Variants in F13A1 observed in about 807,000 individuals in gnomAD.
F13A1 encodes the protein FSF, A subunit.
A neutral mutation model predicts 80.1 loss-of-function variants in F13A1; 47 were observed. The ratio of observed to expected loss-of-function variants is 0.59; its 90% CI spans 0.46 to 0.75. The LOEUF is 0.75. Among genes scored for constraint, F13A1 ranks in the 30% least tolerant of loss-of-function variants. F13A1 has a pLI of 0.00. For missense variants in F13A1, 817 were observed against 930.4 expected (o/e 0.88, Z 1.59); for synonymous variants, 349 against 344.9 (o/e 1.01, Z -0.13).
chr6:6,308,212 C>T lies in F13A1; in HGVS notation c.131-2673G>A, dbSNP rs953149. Among the ~76,000 whole-genome samples, 975 of 152,156 alleles carry T rather than the reference C, an allele frequency of 6.4e-3. 14 individuals carry two copies. Among genetic ancestry groups the T allele is most frequent in the Admixed American group, 0.037 (562 of 15,274 alleles). Reference sequence around the variant, plus strand: ...GTATTTTTAAAAAATTTAATAGAGACGGGGTTTCACCATGTTGGCCAGGCT... The same window carrying T: ...GTATTTTTAAAAAATTTAATAGAGATGGGGTTTCACCATGTTGGCCAGGCT... On this transcript the variant is annotated intron_variant, in intron 2 of 14. Coordinates refer to ENST00000264870, the MANE Select transcript of F13A1 (RefSeq NM_000129.4).
At chr6:6,205,681 T>C (rs1459106872) in intron 8 of F13A1, among the ~76,000 whole-genome samples, 16 of 152,236 alleles carry the variant, frequency 1.1e-4, no homozygotes, top group Non-Finnish European at 2.1e-4. Flanking sequence ...TCTTCTCCTT[T>C]CATTTTTCCC....
intron 3 of F13A1, among the ~76,000 whole-genome samples, chr6:6,287,871 T>G (rs912504919): frequency 6.6e-6 from 1 of 152,202 alleles, no homozygotes; most frequent in African/African-American, 2.4e-5. Context: ...TCAGAATGGA[T>G]GTAACAAGGA....
chr6:6,240,831 A>G (rs1043908418), intron 6 of F13A1, among the ~76,000 whole-genome samples: 2 of 152,162 alleles, frequency 1.3e-5, no homozygotes, highest in Non-Finnish European at 2.9e-5. Context: ...CCTCTCATTC[A>G]TCATTGAATT....
intron 11 of F13A1, among the ~76,000 whole-genome samples, chr6:6,180,541 C>A (rs1448789695): frequency 6.6e-6 from 1 of 152,062 alleles, no homozygotes; most frequent in African/African-American, 2.4e-5. Flanking sequence ...TTCTCCAAAC[C>A]TTTTTTTGCT....
At position 6,228,649 on chromosome 6, in the gene F13A1, G is replaced by A. The variant is rs527969795; in HGVS notation, c.799-3789C>T. 3.9e-3 allele frequency among the ~76,000 whole-genome samples: 576 copies of A among 147,594 alleles called. 7 individuals are homozygous for A. The highest frequency in any genetic ancestry group is 0.013 in the African/African-American group (531 of 39,588). On this transcript the variant is annotated intron_variant, in intron 6 of 14. Coordinates refer to ENST00000264870, the MANE Select transcript of F13A1 (RefSeq NM_000129.4). ...CTCTGGAGGCTGAGGCAGGAGAATC[G>A]CTTGAACCGGGGAGGCAGAGGTTGC...
At chr6:6,300,039 G>A (rs575783899) in intron 3 of F13A1, among the ~76,000 whole-genome samples, 2 of 147,240 alleles carry the variant, frequency 1.4e-5, no homozygotes, top group East Asian at 1.9e-4. Flanking sequence ...CTGCTGGGGG[G>A]TGCCTCCCAG....
chr6:6,264,493 C>T (rs996010737), intron 4 of F13A1, among the ~76,000 whole-genome samples: 2 of 152,118 alleles, frequency 1.3e-5, no homozygotes, highest in African/African-American at 4.8e-5. Context: ...TTGCTGACTC[C>T]TTCTCTACTG....
At chr6:6,149,472 G>A (rs999014411) in intron 14 of F13A1, among the ~76,000 whole-genome samples, 3 of 152,158 alleles carry the variant, frequency 2.0e-5, no homozygotes, top group African/African-American at 7.2e-5. Context: ...TGGAGCTTTG[G>A]GGAGGTAACT....
chr6:6,222,285 G>T, intron 7 of F13A1, 114 bp from the exon 8 acceptor site: 1 of 1,377,676 alleles, frequency 7.3e-7, no homozygotes, highest in Non-Finnish European at 1.0e-6. Flanking sequence ...AAAGCCCTTT[G>T]GACATGTTAT....
chr6:6,307,348 T>G (rs1041441536), intron 2 of F13A1, among the ~76,000 whole-genome samples: 9 of 152,196 alleles, frequency 5.9e-5, no homozygotes, highest in Admixed American at 3.3e-4. Context: ...TTTCTTTCCA[T>G]TATGCTGTGA....
At chr6:6,302,276 TTTG>T (rs959060417) in intron 3 of F13A1, among the ~76,000 whole-genome samples, 2 of 151,976 alleles carry the variant, frequency 1.3e-5, no homozygotes, top group African/African-American at 4.9e-5. Context: ...CAAACGTGAA[TTTG>T]TTGTCATGCA....
chr6:6,170,114 G>A (rs1229640782), intron 12 of F13A1, among the ~76,000 whole-genome samples: 2 of 152,278 alleles, frequency 1.3e-5, no homozygotes, highest in East Asian at 3.9e-4. Flanking sequence ...TCAGTTTATC[G>A]TGTCTCTAGA....
At chr6:6,232,152 G>C (rs1428625900) in intron 6 of F13A1, among the ~76,000 whole-genome samples, 1 of 152,188 alleles carries the variant, frequency 6.6e-6, no homozygotes, top group Non-Finnish European at 1.5e-5. Flanking sequence ...AAAAGATACA[G>C]AACTGAAGAA....
chr6:6,197,617 A>G (rs759929116), intron 8 of F13A1, among the ~76,000 whole-genome samples: 3 of 151,958 alleles, frequency 2.0e-5, no homozygotes, highest in Non-Finnish European at 4.4e-5. Flanking sequence ...TATGGAGGTT[A>G]CAGTGAGCTG....
At chr6:6,286,034 G>A (rs1422546866) in intron 3 of F13A1, among the ~76,000 whole-genome samples, 3 of 152,234 alleles carry the variant, frequency 2.0e-5, no homozygotes, top group Non-Finnish European at 4.4e-5. Flanking sequence ...CACTGCACAC[G>A]CAGACACACC....
chr6:6,181,128 G>C (rs1342857228), intron 11 of F13A1, among the ~76,000 whole-genome samples: 1 of 152,168 alleles, frequency 6.6e-6, no homozygotes, highest in Non-Finnish European at 1.5e-5. Context: ...CCGGGCTGCT[G>C]CACGCCCTGT....
At chr6:6,233,793 C>A (rs796860800) in intron 6 of F13A1, among the ~76,000 whole-genome samples, 6 of 152,196 alleles carry the variant, frequency 3.9e-5, no homozygotes, top group African/African-American at 1.4e-4. Context: ...CATGGTTTAA[C>A]ATACACAAGT....
chr6:6,211,866 G>A (rs1463822395), intron 8 of F13A1, among the ~76,000 whole-genome samples: 1 of 152,248 alleles, frequency 6.6e-6, no homozygotes, highest in East Asian at 1.9e-4. Flanking sequence ...CCTCACTCGG[G>A]AAGCGCAAGG....
At chr6:6,292,845 G>A (rs1284188450) in intron 3 of F13A1, among the ~76,000 whole-genome samples, 2 of 152,092 alleles carry the variant, frequency 1.3e-5, no homozygotes, top group Non-Finnish European at 2.9e-5. Context: ...ACATGACTGC[G>A]GGTCCACCAG....
Sources: gnomAD v4.1 joint callset for allele counts (sites outside exome capture counted in the v4.1 genomes callset) on GRCh38, gnomAD v4.1.1 for gene constraint, MANE v1.5 for transcripts, NCBI Gene and HGNC (gene_info 2026-07-23, HGNC 2026-07-21) for gene names.